PITPNC1: variants seen among roughly 807,000 people sequenced by gnomAD.
The protein encoded by PITPNC1 is cytoplasmic phosphatidylinositol transfer protein 1.
In PITPNC1, 18 loss-of-function variants were observed where a neutral mutation model predicts 44.7. The observed-to-expected ratio is 0.40, with a 90% CI of 0.28 to 0.60. PITPNC1 has a LOEUF of 0.60. Ranked by LOEUF, PITPNC1 falls within the 20% of genes least tolerant of loss-of-function variation. PITPNC1 has a pLI of 0.39. For synonymous variants in PITPNC1, 141 were observed against 149.6 expected, an observed-to-expected ratio of 0.94 and a Z score of 0.42; for missense variants, 290 against 418.4, an observed-to-expected ratio of 0.69 and a Z score of 2.68.
intron 2 of PITPNC1, among the ~76,000 whole-genome samples, chr17:67,549,274 C>T (rs552446432): frequency 7.2e-5 from 11 of 152,110 alleles, no homozygotes; most frequent in South Asian, 4.2e-4. Context: ...GTCAACATGG[C>T]GAAACCCTGT....
intron 1 of PITPNC1, among the ~76,000 whole-genome samples, chr17:67,434,815 A>T (rs1225399000): frequency 1.2e-4 from 17 of 147,786 alleles, no homozygotes; most frequent in African/African-American, 2.0e-4. Flanking sequence ...AAAAAAAAAT[A>T]AAAAAATAAA....
intron 5 of PITPNC1, among the ~76,000 whole-genome samples, chr17:67,631,674 A>T (rs1406663123): frequency 1.5e-4 from 14 of 94,594 alleles, no homozygotes; most frequent in South Asian, 3.3e-4. Flanking sequence ...ATATATATAA[A>T]ATATATATTT....
chr17:67,595,254 T>C (rs910801090), intron 5 of PITPNC1, among the ~76,000 whole-genome samples: 3 of 152,308 alleles, frequency 2.0e-5, no homozygotes, highest in Admixed American at 2.0e-4. Context: ...GAAGGTTGTT[T>C]GTTAACTTTT....
intron 1 of PITPNC1, among the ~76,000 whole-genome samples, chr17:67,463,693 A>C (rs937098003): frequency 1.3e-5 from 2 of 152,200 alleles, no homozygotes; most frequent in East Asian, 3.9e-4. Flanking sequence ...TGAGCTCAGG[A>C]GTTTGAGACT....
intron 1 of PITPNC1, among the ~76,000 whole-genome samples, chr17:67,387,669 A>C (rs915345650): frequency 3.9e-5 from 6 of 152,200 alleles, no homozygotes; most frequent in Non-Finnish European, 8.8e-5. Flanking sequence ...GTCTCAAAAT[A>C]AAATATAAAA....
At chr17:67,580,377 G>A (rs150934968) in intron 5 of PITPNC1, among the ~76,000 whole-genome samples, 1,613 of 152,010 alleles carry the variant, frequency 0.011, 29 homozygotes, top group African/African-American at 0.037. Context: ...ACAGGGTCTC[G>A]CTCTGTCACC....
At chr17:67,395,202 C>CT (rs1431344904) in intron 1 of PITPNC1, among the ~76,000 whole-genome samples, 6 of 151,258 alleles carry the variant, frequency 4.0e-5, no homozygotes, top group Non-Finnish European at 8.8e-5. Flanking sequence ...GGGTCCCACT[C>CT]TGTTGCCCAG....
intron 2 of PITPNC1, among the ~76,000 whole-genome samples, chr17:67,549,225 G>A (rs548289793): frequency 2.0e-5 from 3 of 152,204 alleles, no homozygotes; most frequent in East Asian, 1.9e-4. Flanking sequence ...AGGCCGAGGC[G>A]GGCGGATCAC....
At chr17:67,566,243 A>G (rs1463913357) in intron 4 of PITPNC1, among the ~76,000 whole-genome samples, 1 of 152,046 alleles carries the variant, frequency 6.6e-6, no homozygotes, top group Non-Finnish European at 1.5e-5. Context: ...TTGCTCTGTC[A>G]CCCAGGCTGG....
At position 67,632,165 on chromosome 17, in the gene PITPNC1, A is replaced by C. The variant is rs2041979337; in HGVS notation, c.389A>C (p.Asp130Ala). 6.2e-7 allele frequency: 1 copy of C among 1,612,616 alleles called. No individual in the cohort carries two copies. Residue 130 changes from aspartate to alanine, a missense_variant, in exon 6 of 9, where the codon GAC (aspartate) becomes GCC (alanine). Coordinates refer to ENST00000581322, the MANE Select transcript of PITPNC1 (RefSeq NM_012417.4). ...CAGATTTTCGACAATGAAGCCAAAG[A>C]CGTGGAGAGAGAAGTTTGCTTTATT... ...NDTIFDNEAKDVEREVCFIDI... is the reference protein window; with the variant it reads ...NDTIFDNEAKAVEREVCFIDI...
At chr17:67,473,039 C>T (rs2039567878) in intron 1 of PITPNC1, among the ~76,000 whole-genome samples, 1 of 151,662 alleles carries the variant, frequency 6.6e-6, no homozygotes, top group South Asian at 2.1e-4. Flanking sequence ...CCATGCCCAA[C>T]TAATTTTTTT....
At chr17:67,652,226 G>A (rs985003476) in intron 6 of PITPNC1, among the ~76,000 whole-genome samples, 1 of 152,192 alleles carries the variant, frequency 6.6e-6, no homozygotes, top group African/African-American at 2.4e-5. Flanking sequence ...CAGCTAATAA[G>A]ATTGCCTCCA....
chr17:67,645,372 ATTTGT>A (rs1019278373), intron 6 of PITPNC1, among the ~76,000 whole-genome samples: 9 of 150,014 alleles, frequency 6.0e-5, no homozygotes, highest in African/African-American at 2.2e-4. Flanking sequence ...AGAGAAAGTG[ATTTGT>A]TTTGATTGAC....
chr17:67,413,001 G>T (rs2038527278), intron 1 of PITPNC1, among the ~76,000 whole-genome samples: 1 of 152,050 alleles, frequency 6.6e-6, no homozygotes. Flanking sequence ...AATACCTTCG[G>T]TGTTTTTGAG....
rs764062622 is a variant in PITPNC1 at position 67,504,635 on chromosome 17, T to C, written c.49-28167T>C. ...TCAGGGGAATTCAGTCAGTCTTCTT[T>C]CTTTTTTGTTTGGCCAGTTTAGCTA... On this transcript the variant is annotated intron_variant, in intron 1 of 8. Transcript: ENST00000581322. Among the ~76,000 whole-genome samples, 22 of 152,232 alleles carry C rather than the reference T, an allele frequency of 1.4e-4. 1 individual carries two copies. Among genetic ancestry groups the C allele is most frequent in the Non-Finnish European group, 3.1e-4 (21 of 68,044 alleles).
chr17:67,563,172 C>T (rs1185805104), intron 4 of PITPNC1, among the ~76,000 whole-genome samples: 1 of 152,120 alleles, frequency 6.6e-6, no homozygotes, highest in Non-Finnish European at 1.5e-5. Flanking sequence ...AGTTGCAATT[C>T]CCAGTGTGGC....
At chr17:67,554,253 ATT>A (rs11413972) in intron 4 of PITPNC1, among the ~76,000 whole-genome samples, 65 of 111,076 alleles carry the variant, frequency 5.9e-4, no homozygotes, top group Middle Eastern at 5.4e-3. Flanking sequence ...ATAGTTTATG[ATT>A]TTTTTTTTTT....
intron 1 of PITPNC1, among the ~76,000 whole-genome samples, chr17:67,398,361 GA>G (rs2038253799): frequency 6.6e-6 from 1 of 152,106 alleles, no homozygotes; most frequent in African/African-American, 2.4e-5. Flanking sequence ...GCTGGTTGTG[GA>G]AGCGTTTTTC....
At chr17:67,522,944 A>G (rs1178769580) in intron 1 of PITPNC1, among the ~76,000 whole-genome samples, 1 of 152,118 alleles carries the variant, frequency 6.6e-6, no homozygotes, top group Non-Finnish European at 1.5e-5. Flanking sequence ...CACTGGGATT[A>G]CAGGCATAGA....
Sources: gnomAD v4.1 joint callset for allele counts (sites outside exome capture counted in the v4.1 genomes callset) on GRCh38, gnomAD v4.1.1 for gene constraint, MANE v1.5 for transcripts, NCBI Gene and HGNC (gene_info 2026-07-23, HGNC 2026-07-21) for gene names.